FAM217A: variants seen among roughly 807,000 people sequenced by gnomAD.
FAM217A encodes family with sequence similarity 217 member A.
FAM217A carries 13 observed loss-of-function variants against 18.5 expected under a neutral mutation model. That is an observed-to-expected ratio of 0.70 (90% CI 0.46 to 1.12). FAM217A has a LOEUF of 1.12. FAM217A is among the 50% of genes most tolerant of loss of function. The pLI, the probability that FAM217A is intolerant of heterozygous loss-of-function variation, is 0.00. For synonymous variants in FAM217A, 161 were observed against 202.8 expected, an observed-to-expected ratio of 0.79 and a Z score of 1.75; for missense variants, 560 against 575.4, an observed-to-expected ratio of 0.97 and a Z score of 0.27.
At position 4,069,724 on chromosome 6, in the gene FAM217A, C is replaced by T. The variant is rs1210299591; in HGVS notation, c.499G>A (p.Val167Ile). The change falls in exon 7 of 7, where the codon GTT (valine) becomes ATT (isoleucine). Residue 167 changes from valine (V) to isoleucine (I), a missense_variant. Val to Ile is a conservative substitution (Grantham distance 29). Transcript: ENST00000274673. ...DFFKNRNEIHVSSCSTIENND... is the reference protein window; with the variant it reads ...DFFKNRNEIHISSCSTIENND... ...TTTTCTATAGTTGAACATGAACTAA[C>T]ATGAATCTCATTTCTGTTCTTAAAA... 6.2e-7 allele frequency: 1 copy of T among 1,613,998 alleles called. No homozygotes were observed. The highest frequency in any genetic ancestry group is 1.3e-5 in the African/African-American group (1 of 74,902).
chr6:4,069,206 C>T lies in FAM217A; in HGVS notation c.1017G>A (p.Leu339=), dbSNP rs148572232. The change falls in exon 7 of 7, where the codon TTG becomes TTA. Residue 339 remains leucine (L), a synonymous_variant. Transcript: ENST00000274673. The part of the protein sequence containing the change: ...KVRQPKLCDS[L]SLQIPCVDKS... ...TATCTACACAAGGTATCTGAAGACTCAAAGAGTCGCAAAGTTTTGGCTGTC... is the reference window on the plus strand; with the variant it reads ...TATCTACACAAGGTATCTGAAGACTTAAAGAGTCGCAAAGTTTTGGCTGTC... 310 of 1,612,268 alleles carry T rather than the reference C, an allele frequency of 1.9e-4. No individual in the cohort carries two copies. In the Middle Eastern group the frequency reaches 2.5e-3, roughly 13 times the overall value.
Position 4,074,338 on chromosome 6 carries a change from T to C in FAM217A, c.159+105A>G, listed in dbSNP as rs1359115293. 12 of 915,372 alleles carry C rather than the reference T, an allele frequency of 1.3e-5. No individual in the cohort carries two copies. The African/African-American group carries it at 1.7e-4, about 13-fold the overall frequency. 56.7% of individuals were successfully genotyped at this position (915,372 alleles called of 1,614,324 possible). On this transcript the variant is annotated intron_variant, in intron 4 of 6. Transcript: ENST00000274673. ...ACTTGTGTGAAGAACTCTACAGAAA[T>C]GAAATTTAAAGTTTAACTTTCAGGA...
intron 4 of FAM217A, among the ~76,000 whole-genome samples, chr6:4,074,042 G>A (rs533581076): frequency 1.3e-5 from 2 of 152,102 alleles, no homozygotes; most frequent in South Asian, 4.2e-4. Flanking sequence ...TGTAGAGATG[G>A]GGTTTCACCA....
intron 1 of FAM217A, among the ~76,000 whole-genome samples, chr6:4,085,660 T>C (rs1770609202): frequency 6.6e-6 from 1 of 152,194 alleles, no homozygotes; most frequent in African/African-American, 2.4e-5. Context: ...CAGAATATTC[T>C]ACCCCCTTCT....
chr6:4,077,540 T>A, intron 1 of FAM217A, 92 bp from the exon 2 acceptor site: 2 of 1,081,346 alleles, frequency 1.8e-6, no homozygotes, highest in Non-Finnish European at 2.8e-6. Flanking sequence ...CTAAAGGAGG[T>A]AAGAGAATGC....
Position 4,069,550 on chromosome 6 carries a change from T to TCAGGTC in FAM217A, c.667_672dup (p.Asp223_Leu224dup), listed in dbSNP as rs1263725258. 3.1e-6 allele frequency: 5 copies of TCAGGTC among 1,614,184 alleles called. No homozygotes were observed. The highest frequency in any genetic ancestry group is 4.2e-6 in the Non-Finnish European group (5 of 1,180,028). On this transcript the variant is annotated inframe_insertion, in exon 7 of 7. Transcript: ENST00000274673. Reference sequence around the variant, plus strand: ...TTTTTTATTGTTTCTGGCTTCAAGTTCAGGTCCACCTTTTTAAAATAGCTG... The same window carrying TCAGGTC: ...TTTTTTATTGTTTCTGGCTTCAAGTTCAGGTCCAGGTCCACCTTTTTAAAATAGCTG...
At position 4,079,124 on chromosome 6, in the gene FAM217A, C is replaced by T; in HGVS notation, c.-307G>A. 2.9e-6 allele frequency: 1 copy of T among 345,570 alleles called. No homozygotes were observed. Among genetic ancestry groups the T allele is most frequent in the Non-Finnish European group, 5.2e-6 (1 of 192,820 alleles). The allele number at this position is 345,570 out of a possible 1,614,324, so 21.4% of individuals were successfully genotyped here. ...TTCCGGGGCCGGGGCTGCGGCTCCG[C>T]GGGCTTCCCCACCGGCCGGGTCTCC... On this transcript the variant is annotated 5_prime_UTR_variant, in exon 1 of 7. Coordinates refer to ENST00000274673, the MANE Select transcript of FAM217A (RefSeq NM_173563.3).
chr6:4,071,226 AG>A (rs1769391256), intron 6 of FAM217A, among the ~76,000 whole-genome samples: 1 of 152,202 alleles, frequency 6.6e-6, no homozygotes. Flanking sequence ...CCTTGGAGGT[AG>A]TCTGAGAAGC....
In FAM217A at chr6:4,069,323, A is replaced by G. The variant is rs1316364086; in HGVS notation, c.900T>C (p.Thr300=). 1 of 1,614,166 alleles carries G rather than the reference A, an allele frequency of 6.2e-7. No homozygotes were observed. Among genetic ancestry groups the G allele is most frequent in the Admixed American group, 1.7e-5 (1 of 60,028 alleles). ...LLELERLQHM[T]IQKERPRLQT... ...GTAGTCTTGGCCTCTCTTTTTGAAT[A>G]GTCATATGTTGTAATCGTTCTAGTT... Residue 300 remains threonine (T), a synonymous_variant, in exon 7 of 7, where the codon ACT becomes ACC. Transcript: ENST00000274673.
chr6:4,085,869 G>C (rs1410473586), intron 1 of FAM217A, among the ~76,000 whole-genome samples: 1 of 152,114 alleles, frequency 6.6e-6, no homozygotes, highest in East Asian at 1.9e-4. Context: ...CAGCAGTCTG[G>C]GAGGCCGAGG....
In FAM217A at chr6:4,077,462, G is replaced by C; in HGVS notation, c.-34-14C>G. On this transcript the variant is annotated splice_polypyrimidine_tract_variant and intron_variant, in intron 1 of 6. Transcript: ENST00000274673. ...TTCCTTAAAATCCTACACAGATTGC[G>C]GGATAGGCACATTTATGGGTAAGGG... 6.3e-7 allele frequency: 1 copy of C among 1,588,532 alleles called. No homozygotes were observed. The highest frequency in any genetic ancestry group is 8.6e-7 in the Non-Finnish European group (1 of 1,156,846).
At chr6:4,086,613 C>G (rs940583250) in intron 1 of FAM217A, among the ~76,000 whole-genome samples, 8 of 152,158 alleles carry the variant, frequency 5.3e-5, no homozygotes, top group South Asian at 4.1e-4. Flanking sequence ...AGCCCACGCT[C>G]CCAGATTTGC....
At chr6:4,071,617 CAT>C (rs1343586637) in intron 6 of FAM217A, among the ~76,000 whole-genome samples, 1 of 152,188 alleles carries the variant, frequency 6.6e-6, no homozygotes, top group Non-Finnish European at 1.5e-5. Context: ...CTGCTACTGT[CAT>C]AAAATTCAGT....
upstream of FAM217A, chr6:4,087,324 G>C (rs1770736366): frequency 1.6e-6 from 2 of 1,233,382 alleles, no homozygotes; most frequent in East Asian, 6.4e-5. Context: ...TCAATGGGCT[G>C]GTTTTCTCTG....
At chr6:4,079,978 A>G (rs1393893577), upstream of FAM217A, among the ~76,000 whole-genome samples, 2 of 151,974 alleles carry the variant, frequency 1.3e-5, no homozygotes, top group African/African-American at 4.8e-5. Context: ...ATCTCTCTCT[A>G]TCTAGTTAGA....
chr6:4,085,234 C>G (rs1770569710), intron 1 of FAM217A, among the ~76,000 whole-genome samples: 1 of 151,490 alleles, frequency 6.6e-6, no homozygotes, highest in Admixed American at 6.6e-5. Context: ...CCATCCTAAA[C>G]AGTGTTCTTT....
At chr6:4,071,486 G>A (rs991797478) in intron 6 of FAM217A, among the ~76,000 whole-genome samples, 4 of 152,080 alleles carry the variant, frequency 2.6e-5, no homozygotes, top group Non-Finnish European at 5.9e-5. Context: ...ATAAGGGAAC[G>A]GGGGTGTAGA....
rs756714408 is a variant in FAM217A, at chr6:4,068,710, T to C, written c.1513A>G (p.Ile505Val). The change falls in exon 7 of 7, where the codon ATT (isoleucine) becomes GTT (valine). Residue 505 changes from isoleucine to valine, a missense_variant. Coordinates refer to ENST00000274673, the MANE Select transcript of FAM217A (RefSeq NM_173563.3). ...LIAKDKCCSP[I>V]EQK ...AAAGAAAAGAGTTATTTTTGTTCAA[T>C]GGGTGAGCAGCACTTATCCTTAGCA... 1 of 1,596,264 alleles carries C rather than the reference T, an allele frequency of 6.3e-7. No homozygotes were observed. The highest frequency in any genetic ancestry group is 1.4e-5 in the African/African-American group (1 of 73,884).
In FAM217A at chr6:4,073,509, T is replaced by C; in HGVS notation, c.160-2A>G. 1 of 1,612,382 alleles carries C rather than the reference T, an allele frequency of 6.2e-7. No individual in the cohort carries two copies. Among genetic ancestry groups the C allele is most frequent in the South Asian group, 1.1e-5 (1 of 90,804 alleles). ...CTCCACTGGAATTTCCAAATAGTTC[T>C]ATAAGGCAGCAGAAGACTTTTAAAC... is the stretch of plus-strand genomic sequence containing the variant. On this transcript the variant is annotated splice_acceptor_variant, in intron 4 of 6. Transcript: ENST00000274673. LOFTEE classifies it high-confidence loss of function.
Sources: gnomAD v4.1 joint callset for allele counts (sites outside exome capture counted in the v4.1 genomes callset) on GRCh38, gnomAD v4.1.1 for gene constraint, MANE v1.5 for transcripts, NCBI Gene and HGNC (gene_info 2026-07-23, HGNC 2026-07-21) for gene names.